HMBOX1: variants seen among roughly 807,000 people sequenced by gnomAD.
HMBOX1 encodes homeobox-containing protein 1.
A neutral mutation model predicts 54.5 loss-of-function variants in HMBOX1; 14 were observed. The ratio of observed to expected loss-of-function variants is 0.26; its 90% CI spans 0.17 to 0.40. The LOEUF is 0.40. Among genes scored for constraint, HMBOX1 ranks in the 10% least tolerant of loss-of-function variants. HMBOX1 has a pLI of 1.00. For synonymous variants in HMBOX1, 160 were observed against 181.0 expected (o/e 0.88, Z 0.93); for missense variants, 332 against 514.4 (o/e 0.65, Z 3.43).
chr8:29,032,142 G>A (rs1167665485), intron 6 of HMBOX1, among the ~76,000 whole-genome samples: 1 of 152,170 alleles, frequency 6.6e-6, no homozygotes, highest in Non-Finnish European at 1.5e-5. Flanking sequence ...TTGTATCTAT[G>A]TGAAGTAAGT....
intron 3 of HMBOX1, among the ~76,000 whole-genome samples, chr8:28,974,067 G>A (rs971122022): frequency 6.6e-6 from 1 of 151,922 alleles, no homozygotes; most frequent in African/African-American, 2.4e-5. Context: ...GCCCACCTTG[G>A]CCTCCCAAAG....
At chr8:28,913,989 G>A (rs1816016025) in intron 1 of HMBOX1, among the ~76,000 whole-genome samples, 1 of 151,146 alleles carries the variant, frequency 6.6e-6, no homozygotes, top group African/African-American at 2.4e-5. Flanking sequence ...TTCTGCCCCA[G>A]CCTCCCAAGT....
rs193150851 is a variant in HMBOX1, at chr8:29,015,791, G to A, written c.698-2969G>A. The stretch of plus-strand genomic sequence containing the variant: ...AAGGGCCAGACAGTAAATATTTTAG[G>A]TTTTGCAGGTTATATGATCTCTATC... On this transcript the variant is annotated intron_variant, in intron 5 of 9. Transcript: ENST00000287701. 4.6e-3 allele frequency among the ~76,000 whole-genome samples: 702 copies of A among 152,246 alleles called. 5 individuals are homozygous for A. The highest frequency in any genetic ancestry group is 0.016 in the African/African-American group (653 of 41,538).
At chr8:28,933,501 T>G (rs185253522) in intron 1 of HMBOX1, among the ~76,000 whole-genome samples, 2 of 152,198 alleles carry the variant, frequency 1.3e-5, no homozygotes, top group African/African-American at 4.8e-5. Flanking sequence ...TCAGTGAACC[T>G]CCCAAAGCTG....
At chr8:28,917,185 A>G (rs1816724357) in intron 1 of HMBOX1, among the ~76,000 whole-genome samples, 1 of 152,118 alleles carries the variant, frequency 6.6e-6, no homozygotes, top group African/African-American at 2.4e-5. Flanking sequence ...TCTTAGCAAT[A>G]TTAAGTCTTC....
chr8:28,946,813 G>A (rs537135399), intron 1 of HMBOX1, among the ~76,000 whole-genome samples: 5 of 152,188 alleles, frequency 3.3e-5, no homozygotes, highest in South Asian at 2.1e-4. Context: ...GTGAGACCTC[G>A]TTATATTTGG....
intron 6 of HMBOX1, among the ~76,000 whole-genome samples, chr8:29,031,922 CA>C (rs1424785426): frequency 6.6e-6 from 1 of 152,054 alleles, no homozygotes; most frequent in African/African-American, 2.4e-5. Context: ...TCCTGGAGAG[CA>C]GTACAGTTTC....
rs1306169171 is a variant in HMBOX1 at position 29,051,687 on chromosome 8, C to T, written c.*532C>T. ...TGATTTCCAGCTGCAATAAGCCGTGCCTCATTATAGCCACACTGTGGCTAG... is the reference window on the plus strand; with the variant it reads ...TGATTTCCAGCTGCAATAAGCCGTGTCTCATTATAGCCACACTGTGGCTAG... On this transcript the variant is annotated 3_prime_UTR_variant, in exon 10 of 10. Transcript: ENST00000287701. 1.4e-5 allele frequency: 10 copies of T among 695,538 alleles called. No individual in the cohort carries two copies. In the Admixed American group the frequency reaches 1.8e-4, roughly 13 times the overall value. The allele number at this position is 695,538 out of a possible 1,614,324, so 43.1% of individuals were successfully genotyped here.
chr8:29,049,146 G>T, intron 9 of HMBOX1, 98 bp downstream of exon 9: 1 of 1,471,048 alleles, frequency 6.8e-7, no homozygotes, highest in South Asian at 1.2e-5. Context: ...GGTGGGGGAG[G>T]GGAAACAGTC....
At chr8:28,958,781 G>GT (rs1017318384) in intron 1 of HMBOX1, among the ~76,000 whole-genome samples, 1 of 151,994 alleles carries the variant, frequency 6.6e-6, no homozygotes, top group African/African-American at 2.4e-5. Context: ...TTACCAGAGT[G>GT]TTTTTTTCTC....
intron 1 of HMBOX1, among the ~76,000 whole-genome samples, chr8:28,926,894 T>A (rs1484986999): frequency 6.6e-6 from 1 of 152,238 alleles, no homozygotes; most frequent in East Asian, 1.9e-4. Flanking sequence ...TTTTAAGTTT[T>A]TCCATAGCAA....
intron 1 of HMBOX1, among the ~76,000 whole-genome samples, chr8:28,910,430 A>G (rs1187175289): frequency 1.3e-5 from 2 of 152,318 alleles, no homozygotes; most frequent in East Asian, 3.9e-4. Context: ...GGTACCTAGA[A>G]GTGGTATTGT....
intron 1 of HMBOX1, among the ~76,000 whole-genome samples, chr8:28,961,877 C>A (rs1391110705): frequency 6.8e-6 from 1 of 147,148 alleles, no homozygotes; most frequent in Non-Finnish European, 1.5e-5. Flanking sequence ...AATAGGCATT[C>A]GAATGGGTGT....
intron 5 of HMBOX1, among the ~76,000 whole-genome samples, chr8:29,016,680 ACTCACT>A (rs1421585239): frequency 6.6e-6 from 1 of 151,852 alleles, no homozygotes; most frequent in Non-Finnish European, 1.5e-5. Context: ...CCACTTGGAA[ACTCACT>A]CATGTGGATG....
At chr8:28,899,206 C>T (rs905239124) in intron 1 of HMBOX1, among the ~76,000 whole-genome samples, 4 of 152,168 alleles carry the variant, frequency 2.6e-5, no homozygotes, top group Non-Finnish European at 4.4e-5. Flanking sequence ...GATACATGAA[C>T]GTACTATCTC....
intron 3 of HMBOX1, among the ~76,000 whole-genome samples, chr8:28,977,542 T>A (rs1269040199): frequency 6.6e-6 from 1 of 152,258 alleles, no homozygotes; most frequent in Non-Finnish European, 1.5e-5. Context: ...ATTACCTGCA[T>A]TTTAGTCAGC....
At chr8:28,965,218 AT>A (rs2132293807) in intron 2 of HMBOX1, among the ~76,000 whole-genome samples, 1 of 152,336 alleles carries the variant, frequency 6.6e-6, no homozygotes, top group East Asian at 1.9e-4. Context: ...ACTTAAATGA[AT>A]GATTTTTGTC....
chr8:29,009,546 C>CAA, intron 5 of HMBOX1: 14 of 483,782 alleles, frequency 2.9e-5, no homozygotes, highest in Non-Finnish European at 3.1e-5. Flanking sequence ...TTTTTTTTTG[C>CAA]AAATCTTGTT....
intron 1 of HMBOX1, among the ~76,000 whole-genome samples, chr8:28,907,206 T>G (rs1814509283): frequency 6.6e-6 from 1 of 152,210 alleles, no homozygotes; most frequent in Non-Finnish European, 1.5e-5. Flanking sequence ...TTGTTGGTAT[T>G]TAAATCACAA....
Sources: allele counts gnomAD v4.1 joint callset (sites outside exome capture counted in the v4.1 genomes callset), GRCh38; gene constraint gnomAD v4.1.1; transcripts MANE v1.5; gene names NCBI Gene and HGNC (gene_info 2026-07-23, HGNC 2026-07-21).